The following MAP4K3 variants were observed in gnomAD, a reference collection of about 807,000 sequenced individuals.
MAP4K3 encodes mitogen-activated protein kinase kinase kinase kinase 3, also known as MAPK/ERK kinase kinase kinase 3.
A neutral mutation model predicts 143.5 loss-of-function variants in MAP4K3; 94 were observed. The ratio of observed to expected loss-of-function variants is 0.65; its 90% CI spans 0.55 to 0.78. The LOEUF (loss-of-function observed/expected upper bound fraction) is 0.78. Among genes scored for constraint, MAP4K3 ranks in the 30% least tolerant of loss-of-function variants. The pLI, the probability that MAP4K3 is intolerant of heterozygous loss-of-function variation, is 0.00. For missense variants in MAP4K3, 1,077 were observed against 1,068.1 expected (o/e 1.01, Z -0.12); for synonymous variants, 416 against 347.2 (o/e 1.20, Z -2.20).
At chr2:39,272,128 G>C (rs1174194862) in intron 26 of MAP4K3, 155 bp downstream of exon 26, 3 of 494,702 alleles carry the variant, frequency 6.1e-6, no homozygotes, top group Non-Finnish European at 1.1e-5. Context: ...TAGAACAAGA[G>C]TGTGATCACT....
chr2:39,403,347 TCTGAAAGAGGCACTGAAGATATCA>T (rs1667002974), intron 1 of MAP4K3, among the ~76,000 whole-genome samples: 2 of 152,060 alleles, frequency 1.3e-5, no homozygotes, highest in South Asian at 2.1e-4. Context: ...ACTGAAGATG[TCTGAAAGAGGCACTGAAGATATCA>T]CTGAAAGAGG....
intron 13 of MAP4K3, among the ~76,000 whole-genome samples, chr2:39,311,905 TTAAAGAAA>T (rs1388964480): frequency 4.6e-5 from 7 of 152,182 alleles, no homozygotes; most frequent in African/African-American, 1.7e-4. Flanking sequence ...ACCTTCAGAC[TTAAAGAAA>T]TACTAAAAGG....
intron 24 of MAP4K3, 109 bp downstream of exon 24, chr2:39,278,298 A>C (rs1681362421): frequency 3.2e-6 from 2 of 616,880 alleles, no homozygotes; most frequent in Non-Finnish European, 5.4e-6. Context: ...ACAAAACAAA[A>C]AAGAATAAAA....
intron 13 of MAP4K3, 30 bp from the exon 14 acceptor site, chr2:39,309,549 T>TTA: frequency 5.4e-6 from 2 of 367,426 alleles, no homozygotes; most frequent in Non-Finnish European, 6.7e-6. Context: ...AAAACCAGGA[T>TTA]TTTTTTTTTT....
At chr2:39,333,486 A>C in intron 7 of MAP4K3, 46 bp downstream of exon 7, 1 of 1,444,368 alleles carries the variant, frequency 6.9e-7, no homozygotes, top group Middle Eastern at 1.7e-4. Flanking sequence ...ACTTTACTAT[A>C]TCTTAGAATA....
chr2:39,307,535 G>A (rs1682752979), intron 15 of MAP4K3, among the ~76,000 whole-genome samples: 1 of 151,350 alleles, frequency 6.6e-6, no homozygotes, highest in African/African-American at 2.4e-5. Context: ...TATTATATAT[G>A]TAATGCATAT....
At chr2:39,387,634 G>A (rs1450542509) in intron 1 of MAP4K3, among the ~76,000 whole-genome samples, 1 of 152,154 alleles carries the variant, frequency 6.6e-6, no homozygotes, top group Admixed American at 6.5e-5. Flanking sequence ...GTGAAGTTTT[G>A]AAGAAATAGA....
rs369538046 is a variant in MAP4K3, at chr2:39,416,825, G to A, written c.96+20067C>T. Among the ~76,000 whole-genome samples, 44 of 152,258 alleles carry A rather than the reference G, an allele frequency of 2.9e-4. No homozygotes were observed. The East Asian group carries it at 6.4e-3, about 22-fold the overall frequency. ...CACATCTATTTTTGGCAGTATAGCCGAATGTATGGAGTCTGGAGGCAAACT... is the reference window on the plus strand; with the variant it reads ...CACATCTATTTTTGGCAGTATAGCCAAATGTATGGAGTCTGGAGGCAAACT... On this transcript the variant is annotated intron_variant, in intron 1 of 33. Transcript: ENST00000263881.
At chr2:39,410,279 T>TA (rs1177940549) in intron 1 of MAP4K3, among the ~76,000 whole-genome samples, 1 of 152,202 alleles carries the variant, frequency 6.6e-6, no homozygotes, top group East Asian at 1.9e-4. Flanking sequence ...TGGCAGGACA[T>TA]ACCACAAATA....
intron 2 of MAP4K3, among the ~76,000 whole-genome samples, chr2:39,372,836 C>G (rs550677967): frequency 6.6e-6 from 1 of 152,238 alleles, no homozygotes; most frequent in African/African-American, 2.4e-5. Flanking sequence ...TATGGAAATA[C>G]TACAAGAAAA....
chr2:39,304,240 C>G (rs377024949), intron 15 of MAP4K3, among the ~76,000 whole-genome samples: 13 of 150,074 alleles, frequency 8.7e-5, no homozygotes, highest in African/African-American at 3.2e-4. Flanking sequence ...AAAATAAAAA[C>G]AGTTGGCATT....
chr2:39,404,221 C>G (rs1667030603), intron 1 of MAP4K3, among the ~76,000 whole-genome samples: 1 of 152,172 alleles, frequency 6.6e-6, no homozygotes, highest in African/African-American at 2.4e-5. Flanking sequence ...GGGACTTGGT[C>G]TTTCACCTTA....
At chr2:39,332,982 A>C (rs1209936793) in intron 7 of MAP4K3, among the ~76,000 whole-genome samples, 1 of 152,114 alleles carries the variant, frequency 6.6e-6, no homozygotes, top group Non-Finnish European at 1.5e-5. Flanking sequence ...AACTATAACG[A>C]ACACTTGTTC....
intron 1 of MAP4K3, among the ~76,000 whole-genome samples, chr2:39,398,730 A>ATAG (rs1354919670): frequency 7.1e-6 from 1 of 141,150 alleles, no homozygotes; most frequent in Non-Finnish European, 1.5e-5. Flanking sequence ...AATAATAATA[A>ATAG]TAATAATAAT....
At chr2:39,406,473 T>G (rs1357951076) in intron 1 of MAP4K3, among the ~76,000 whole-genome samples, 2 of 152,102 alleles carry the variant, frequency 1.3e-5, no homozygotes, top group Non-Finnish European at 2.9e-5. Context: ...AAGAAAAGAC[T>G]CTTTAAGCAG....
intron 2 of MAP4K3, among the ~76,000 whole-genome samples, chr2:39,377,837 G>T (rs1175523840): frequency 6.6e-6 from 1 of 152,132 alleles, no homozygotes; most frequent in African/African-American, 2.4e-5. Context: ...AGTCTTTTCA[G>T]GAGGAGTTCC....
chr2:39,418,197 C>T (rs1203798081), intron 1 of MAP4K3, among the ~76,000 whole-genome samples: 2 of 82,196 alleles, frequency 2.4e-5, no homozygotes, highest in East Asian at 3.9e-4. Flanking sequence ...AACAAGACTC[C>T]GTCTCAAAAA....
At chr2:39,287,064 T>C (rs1380466170) in intron 20 of MAP4K3, 100 bp from the exon 21 acceptor site, 3 of 605,842 alleles carry the variant, frequency 5.0e-6, no homozygotes, top group Non-Finnish European at 5.7e-6. Context: ...TCTGACATAG[T>C]GTCATTATTC....
chr2:39,341,823 C>T (rs981393480), intron 4 of MAP4K3, among the ~76,000 whole-genome samples: 2 of 151,962 alleles, frequency 1.3e-5, no homozygotes, highest in African/African-American at 2.4e-5. Flanking sequence ...TAAAATAATG[C>T]CAGATATCTC....
Sources: gnomAD v4.1 joint callset for allele counts (sites outside exome capture counted in the v4.1 genomes callset) on GRCh38, gnomAD v4.1.1 for gene constraint, MANE v1.5 for transcripts, NCBI Gene and HGNC (gene_info 2026-07-23, HGNC 2026-07-21) for gene names.